The following ITPR3 variants were observed in gnomAD, a reference collection of about 807,000 sequenced individuals.
ITPR3 encodes the protein inositol 1,4,5-trisphosphate receptor type 3.
A neutral mutation model predicts 293.2 loss-of-function variants in ITPR3; 173 were observed. The ratio of observed to expected loss-of-function variants is 0.59; its 90% CI spans 0.52 to 0.67. The LOEUF (loss-of-function observed/expected upper bound fraction) is 0.67, where lower values mean the gene tolerates loss of function less well. Among genes scored for constraint, ITPR3 ranks in the 30% least tolerant of loss-of-function variants. The pLI is 0.00. For missense variants in ITPR3, 2,796 were observed against 3,592.1 expected (o/e 0.78, Z 5.66); for synonymous variants, 1,295 against 1,444.4 (o/e 0.90, Z 2.35).
In ITPR3 at chr6:33,687,433, C is replaced by G. The variant is rs745792215; in HGVS notation, c.6178-45C>G. On this transcript the variant is annotated intron_variant, in intron 45 of 57. Coordinates refer to ENST00000605930, the MANE Select transcript of ITPR3 (RefSeq NM_002224.4). This position sits in a 1 kb window ranked among gnomAD's most constrained non-coding sequence, Gnocchi z 5.3. ...CATTGTCGCCCCCCAGCCACCATGTCCCCCAGCCACCACACCCTGGTGACT... is the reference window on the plus strand; with the variant it reads ...CATTGTCGCCCCCCAGCCACCATGTGCCCCAGCCACCACACCCTGGTGACT... 1 of 1,561,316 alleles carries G rather than the reference C, an allele frequency of 6.4e-7. No homozygotes were observed. The highest frequency in any genetic ancestry group is 2.3e-5 in the East Asian group (1 of 43,780).
Position 33,654,674 on chromosome 6 carries a change from C to T in ITPR3, c.161-1092C>T, listed in dbSNP as rs1764266877. ...GAGTGGCTCTCTCCTCTCCAGTCTC[C>T]CCACACAGCCATCTCCTTTCTGTTC... is the stretch of plus-strand genomic sequence containing the variant. On this transcript the variant is annotated intron_variant, in intron 2 of 57. Coordinates refer to ENST00000605930, the MANE Select transcript of ITPR3 (RefSeq NM_002224.4). The surrounding 1 kb of genome is among the most constrained non-coding windows in gnomAD (Gnocchi z 4.1). 6.6e-6 allele frequency among the ~76,000 whole-genome samples: 1 copy of T among 152,176 alleles called. No homozygotes were observed. The highest frequency in any genetic ancestry group is 2.4e-5 in the African/African-American group (1 of 41,434).
At chr6:33,681,906 A>C (rs1439538875) in intron 33 of ITPR3, among the ~76,000 whole-genome samples, 1 of 151,050 alleles carries the variant, frequency 6.6e-6, no homozygotes, top group Non-Finnish European at 1.5e-5. Context: ...TTTGAGACGG[A>C]GTCTCACTTG....
Position 33,658,055 on chromosome 6 carries a change from C to T in ITPR3, c.369+37C>T, listed in dbSNP as rs369332167. The T allele has an allele frequency of 1.3e-6, 2 of 1,574,068 alleles. No individual in the cohort carries two copies. Among genetic ancestry groups the T allele is most frequent in the African/African-American group, 2.7e-5 (2 of 73,958 alleles). On this transcript the variant is annotated intron_variant, in intron 4 of 57. Coordinates refer to ENST00000605930, the MANE Select transcript of ITPR3 (RefSeq NM_002224.4). This position sits in a 1 kb window ranked among gnomAD's most constrained non-coding sequence, Gnocchi z 6.1. ...CTGCCTCTCTCCCGCCTGCCCCTCTCCCTGCCTAAGAGGCTGGGCTGGTGC... is the reference window on the plus strand; with the variant it reads ...CTGCCTCTCTCCCGCCTGCCCCTCTTCCTGCCTAAGAGGCTGGGCTGGTGC...
intron 56 of ITPR3, 128 bp from the exon 57 acceptor site, chr6:33,694,796 T>G (rs1203979659): frequency 7.8e-5 from 94 of 1,203,056 alleles, no homozygotes; most frequent in Non-Finnish European, 6.0e-6. Context: ...GATTTTCCCA[T>G]GACACATCCC....
rs535736090 is a variant in ITPR3 at position 33,672,910 on chromosome 6, C to T, written c.2929-681C>T. ...CACACCCCAGGAAGGGGCTCATCCC[C>T]GAGGAGGGATGAGGATGCTTGCTTT... On this transcript the variant is annotated intron_variant, in intron 22 of 57. Coordinates refer to ENST00000605930, the MANE Select transcript of ITPR3 (RefSeq NM_002224.4). The surrounding 1 kb of genome is among the most constrained non-coding windows in gnomAD (Gnocchi z 5.0). Among the ~76,000 whole-genome samples, 5 of 152,274 alleles carry T rather than the reference C, an allele frequency of 3.3e-5. No homozygotes were observed. The South Asian group carries it at 1.0e-3, about 32-fold the overall frequency.
In ITPR3 at chr6:33,687,437, C is replaced by G. The variant is rs769812894; in HGVS notation, c.6178-41C>G. 1 of 1,575,292 alleles carries G rather than the reference C, an allele frequency of 6.3e-7. No individual in the cohort carries two copies. Among genetic ancestry groups the G allele is most frequent in the Non-Finnish European group, 8.7e-7 (1 of 1,155,630 alleles). On this transcript the variant is annotated intron_variant, in intron 45 of 57. Coordinates refer to ENST00000605930, the MANE Select transcript of ITPR3 (RefSeq NM_002224.4). The surrounding 1 kb of genome is among the most constrained non-coding windows in gnomAD (Gnocchi z 5.3). ...GTCGCCCCCCAGCCACCATGTCCCC[C>G]AGCCACCACACCCTGGTGACTGTGC...
rs1763727088 is a variant in ITPR3 at position 33,633,337 on chromosome 6, G to T, written c.90-7147G>T. Among the ~76,000 whole-genome samples, 1 of 152,228 alleles carries T rather than the reference G, an allele frequency of 6.6e-6. No individual in the cohort carries two copies. The highest frequency in any genetic ancestry group is 2.4e-5 in the African/African-American group (1 of 41,468). ...ACCTTGTGGGGAGGCGTTGGCGAGA[G>T]GGGGGTGAAGCGAAGCGGCCACTTA... On this transcript the variant is annotated intron_variant, in intron 1 of 57. Transcript: ENST00000605930. This position sits in a 1 kb window ranked among gnomAD's most constrained non-coding sequence, Gnocchi z 5.2.
rs200883676 is a variant in ITPR3 at position 33,688,103 on chromosome 6, C to T, written c.6311C>T (p.Ala2104Val). The T allele has an allele frequency of 1.9e-5, 30 of 1,614,110 alleles. 1 individual carries two copies. In the Admixed American group the frequency reaches 3.0e-4, roughly 16 times the overall value. The change falls in exon 47 of 58, where the codon GCG becomes GTG. Residue 2104 changes from alanine (A) to valine (V), a missense_variant. By Grantham distance (64) the Ala-to-Val change is moderately conservative. This residue lies in a region of ITPR3 where 568 missense variants were observed against 796.1 expected (regional missense o/e 0.71). Coordinates refer to ENST00000605930, the MANE Select transcript of ITPR3 (RefSeq NM_002224.4). Reference sequence around the variant, plus strand: ...CTGTCACAGATGCTCAAGTCCTCAGCGCCAGCACAGGAGGAGGAGGAAGAC... The same window carrying T: ...CTGTCACAGATGCTCAAGTCCTCAGTGCCAGCACAGGAGGAGGAGGAAGAC... ...KQLSQMLKSS[A>V]PAQEEEEDPL...
Position 33,633,801 on chromosome 6 carries a change from G to C in ITPR3, c.90-6683G>C, listed in dbSNP as rs1763746153. 7.0e-6 allele frequency among the ~76,000 whole-genome samples: 1 copy of C among 143,432 alleles called. No individual in the cohort carries two copies. The highest frequency in any genetic ancestry group is 2.5e-5 in the African/African-American group (1 of 39,838). The allele number at this position is 143,432 out of a possible 152,430, so 94.1% of individuals were successfully genotyped here. On this transcript the variant is annotated intron_variant, in intron 1 of 57. Coordinates refer to ENST00000605930, the MANE Select transcript of ITPR3 (RefSeq NM_002224.4). This position sits in a 1 kb window ranked among gnomAD's most constrained non-coding sequence, Gnocchi z 5.2. ...CCGGACGCCCGGAGCTCGCGGGCCGGGCCAGGCTGGGGGCGGGGCGGGCGC... is the reference window on the plus strand; with the variant it reads ...CCGGACGCCCGGAGCTCGCGGGCCGCGCCAGGCTGGGGGCGGGGCGGGCGC...
Position 33,666,303 on chromosome 6 carries a change from A to T in ITPR3, c.1551+327A>T, listed in dbSNP as rs182916850. 5.8e-3 allele frequency among the ~76,000 whole-genome samples: 819 copies of T among 140,262 alleles called. 7 individuals carry two copies. Among genetic ancestry groups the T allele is most frequent in the African/African-American group, 0.021 (783 of 37,998 alleles). The allele number at this position is 140,262 out of a possible 152,430, so 92.0% of individuals were successfully genotyped here. A position where few individuals can be genotyped will look rare whatever the true frequency, so the allele number is the denominator to read the frequency against. ...GAGCTGTGCTTCAAAAAATTTTTTT[A>T]AAAATTTTTTTATTATGAGAATCAT... On this transcript the variant is annotated intron_variant, in intron 14 of 57. Transcript: ENST00000605930. This position sits in a 1 kb window ranked among gnomAD's most constrained non-coding sequence, Gnocchi z 5.1.
At position 33,689,227 on chromosome 6, in the gene ITPR3, C is replaced by T; in HGVS notation, c.6695-11C>T. On this transcript the variant is annotated splice_polypyrimidine_tract_variant and intron_variant, in intron 49 of 57. Transcript: ENST00000605930. ...TGAGGGAGCCCTGCTCACCCTGCCC[C>T]TGGCCCCCAGGCGTGCTGGACTCCC... The T allele has an allele frequency of 6.2e-7, 1 of 1,607,188 alleles. No homozygotes were observed.
intron 48 of ITPR3, 84 bp downstream of exon 48, chr6:33,688,515 G>A: frequency 4.7e-6 from 7 of 1,501,586 alleles, no homozygotes; most frequent in Non-Finnish European, 5.3e-6. Context: ...GCCTGCCTGT[G>A]GGTGCCCTGC....
rs1392118530 is a variant in ITPR3 at position 33,675,234 on chromosome 6, C to T, written c.3117-457C>T. Among the ~76,000 whole-genome samples, 1 of 151,990 alleles carries T rather than the reference C, an allele frequency of 6.6e-6. No homozygotes were observed. Among genetic ancestry groups the T allele is most frequent in the East Asian group, 1.9e-4 (1 of 5,186 alleles). ...GTCAGGAGTTCGAGACCAGCCTGGC[C>T]AACATGGTGAAACCCTGTCTCTACT... On this transcript the variant is annotated intron_variant, in intron 24 of 57. Transcript: ENST00000605930. This position sits in a 1 kb window ranked among gnomAD's most constrained non-coding sequence, Gnocchi z 5.0.
chr6:33,692,044 C>G lies in ITPR3; in HGVS notation c.7458+116C>G. The G allele has an allele frequency of 7.2e-7, 1 of 1,381,716 alleles. No individual in the cohort carries two copies. 85.6% of individuals were successfully genotyped at this position (1,381,716 alleles called of 1,614,324 possible). A position where few individuals can be genotyped will look rare whatever the true frequency, so the allele number is the denominator to read the frequency against. ...AGATATTCAGGGTTGAACCCCCTCC[C>G]CCGAACTTGTATCCACTTTTCCCTG... On this transcript the variant is annotated intron_variant, in intron 54 of 57. Coordinates refer to ENST00000605930, the MANE Select transcript of ITPR3 (RefSeq NM_002224.4). This position sits in a 1 kb window ranked among gnomAD's most constrained non-coding sequence, Gnocchi z 4.2.
At chr6:33,686,576 T>C (rs1005031669) in intron 43 of ITPR3, 57 bp downstream of exon 43, 25 of 1,293,338 alleles carry the variant, frequency 1.9e-5, no homozygotes, top group Non-Finnish European at 2.4e-5. Context: ...TGCATGCATG[T>C]ATGTGTGACT....
Position 33,667,156 on chromosome 6 carries a change from C to A in ITPR3, c.1579C>A (p.Arg527Ser), listed in dbSNP as rs139434169. 6.2e-6 allele frequency: 10 copies of A among 1,613,990 alleles called. No individual in the cohort carries two copies. The highest frequency in any genetic ancestry group is 8.5e-6 in the Non-Finnish European group (10 of 1,179,990). Residue 527 changes from arginine to serine, a missense_variant, in exon 15 of 58, where the codon CGT (arginine) becomes AGT (serine). This residue lies in a region of ITPR3 where 955 missense variants were observed against 1,180.8 expected (regional missense o/e 0.81). Coordinates refer to ENST00000605930, the MANE Select transcript of ITPR3 (RefSeq NM_002224.4). The surrounding 1 kb of genome is among the most constrained non-coding windows in gnomAD (Gnocchi z 4.4). ...QVFGILKAPF[R>S]EKGGEGPLVR... ...CTTTGGCATTCTGAAGGCCCCGTTC[C>A]GTGAGAAGGGGGGTGAAGGTCCCCT... is the stretch of plus-strand genomic sequence containing the variant.
At chr6:33,629,949 G>A (rs1441034930) in intron 1 of ITPR3, among the ~76,000 whole-genome samples, 2 of 151,964 alleles carry the variant, frequency 1.3e-5, no homozygotes, top group African/African-American at 2.4e-5. Flanking sequence ...GAATTAGCTG[G>A]GCATCGTGGC....
At chr6:33,649,546 A>G (rs952536623) in intron 2 of ITPR3, among the ~76,000 whole-genome samples, 3 of 152,222 alleles carry the variant, frequency 2.0e-5, no homozygotes, top group Admixed American at 6.5e-5. Flanking sequence ...TTAAGTCATC[A>G]AGACTGAATG....
rs1319219080 is a variant in ITPR3 at position 33,667,592 on chromosome 6, C to G, written c.1714-200C>G. Among the ~76,000 whole-genome samples the G allele has an allele frequency of 2.6e-5, 4 of 152,216 alleles. No homozygotes were observed. The highest frequency in any genetic ancestry group is 2.0e-4 in the Admixed American group (3 of 15,286). On this transcript the variant is annotated intron_variant, in intron 15 of 57. Coordinates refer to ENST00000605930, the MANE Select transcript of ITPR3 (RefSeq NM_002224.4). The surrounding 1 kb of genome is among the most constrained non-coding windows in gnomAD (Gnocchi z 4.4). The stretch of plus-strand genomic sequence containing the variant: ...TCCCTGCCCTCGTGGAGGTTTCGCT[C>G]TGGTGGGAAACAGCCCACAAGCTAA...
Sources: gnomAD v4.1 joint callset for allele counts (sites outside exome capture counted in the v4.1 genomes callset) on GRCh38, gnomAD v4.1.1 for gene constraint, gnomAD v4.1.1 regional missense constraint, Gnocchi (gnomAD v3.1) non-coding constraint, MANE v1.5 for transcripts, NCBI Gene and HGNC (gene_info 2026-07-23, HGNC 2026-07-21) for gene names.